The following MAML2 variants were observed in gnomAD, a reference collection of about 807,000 sequenced individuals.
MAML2 encodes mastermind-like protein 2.
In MAML2, 22 loss-of-function variants were observed where a neutral mutation model predicts 96.1. That is an observed-to-expected ratio of 0.23 (90% CI 0.16 to 0.33). The LOEUF (loss-of-function observed/expected upper bound fraction) is 0.33, where lower values mean the gene tolerates loss of function less well. MAML2 is among the 10% of genes least tolerant of loss of function. The pLI, the probability that MAML2 is intolerant of heterozygous loss-of-function variation, is 1.00. For missense variants in MAML2, 1,367 were observed against 1,392.4 expected (o/e 0.98, Z 0.29); for synonymous variants, 561 against 521.3 (o/e 1.08, Z -1.04).
chr11:96,094,259 G>GA (rs745773158), intron 1 of MAML2, among the ~76,000 whole-genome samples: 20 of 152,104 alleles, frequency 1.3e-4, no homozygotes, highest in Non-Finnish European at 2.6e-4. Flanking sequence ...TTACCAAAAC[G>GA]AAAGTGTTAA....
chr11:96,137,950 A>T (rs1299814195), intron 1 of MAML2, among the ~76,000 whole-genome samples: 1 of 152,158 alleles, frequency 6.6e-6, no homozygotes, highest in Admixed American at 6.5e-5. Flanking sequence ...ATATTCCTGT[A>T]TCCATCAAGA....
rs1469032905 is a variant in MAML2 at position 95,979,010 on chromosome 11, G to A, written c.3409C>T (p.Pro1137Ser). Residue 1137 changes from proline (P) to serine (S), a missense_variant, in exon 5 of 5, where the codon CCT (proline) becomes TCT (serine). Coordinates refer to ENST00000524717, the MANE Select transcript of MAML2 (RefSeq NM_032427.4). ...DFIDSLLKTE[P>S]GNDDWMKDIN... Reference sequence around the variant, plus strand: ...TCTTTCATCCAGTCATCATTACCAGGCTCTGTCTTCAATAAAGAATCAATG... The same window carrying A: ...TCTTTCATCCAGTCATCATTACCAGACTCTGTCTTCAATAAAGAATCAATG... 1 of 1,613,822 alleles carries A rather than the reference G, an allele frequency of 6.2e-7. No individual in the cohort carries two copies. The highest frequency in any genetic ancestry group is 1.1e-5 in the South Asian group (1 of 91,066).
At chr11:96,195,830 T>C (rs746900720) in intron 1 of MAML2, among the ~76,000 whole-genome samples, 11 of 152,324 alleles carry the variant, frequency 7.2e-5, no homozygotes, top group Middle Eastern at 3.4e-3. Context: ...CTACTATCCA[T>C]GTAGCAAAAA....
intron 1 of MAML2, among the ~76,000 whole-genome samples, chr11:96,311,927 A>G (rs1863547126): frequency 6.6e-6 from 1 of 152,154 alleles, no homozygotes; most frequent in Non-Finnish European, 1.5e-5. Context: ...AGCCACTGAT[A>G]AAGATCTATG....
intron 2 of MAML2, among the ~76,000 whole-genome samples, chr11:96,055,462 A>G (rs1859050188): frequency 6.6e-6 from 1 of 152,236 alleles, no homozygotes; most frequent in Admixed American, 6.5e-5. Context: ...CCAAGAAGTG[A>G]GGGTAAATGA....
At chr11:96,017,870 G>A (rs369534400) in intron 2 of MAML2, among the ~76,000 whole-genome samples, 14 of 152,298 alleles carry the variant, frequency 9.2e-5, no homozygotes, top group South Asian at 8.3e-4. Flanking sequence ...GTGGGGCTTC[G>A]TAGGCAACTG....
chr11:96,180,884 G>A (rs910998374), intron 1 of MAML2, among the ~76,000 whole-genome samples: 4 of 151,766 alleles, frequency 2.6e-5, no homozygotes, highest in African/African-American at 9.7e-5. Context: ...GATTTGTATA[G>A]GTAAAGGAAA....
intron 1 of MAML2, among the ~76,000 whole-genome samples, chr11:96,324,127 T>C (rs754563429): frequency 6.6e-6 from 1 of 152,230 alleles, no homozygotes; most frequent in Non-Finnish European, 1.5e-5. Flanking sequence ...AATACCTATG[T>C]AATTATCTGC....
At chr11:96,103,460 G>A (rs1859968245) in intron 1 of MAML2, among the ~76,000 whole-genome samples, 1 of 152,144 alleles carries the variant, frequency 6.6e-6, no homozygotes, top group Non-Finnish European at 1.5e-5. Context: ...TTAAATATCA[G>A]CAAATCCCAT....
intron 1 of MAML2, among the ~76,000 whole-genome samples, chr11:96,314,150 CT>C (rs1398392309): frequency 6.6e-6 from 1 of 152,216 alleles, no homozygotes; most frequent in Admixed American, 6.5e-5. Context: ...TCTCCTAAGG[CT>C]AGTTCTGCAG....
intron 1 of MAML2, among the ~76,000 whole-genome samples, chr11:96,128,577 A>G (rs1860492097): frequency 6.6e-6 from 1 of 152,188 alleles, no homozygotes; most frequent in Non-Finnish European, 1.5e-5. Flanking sequence ...TGCTGACACT[A>G]AGATATTACA....
chr11:96,298,812 G>A lies in MAML2; in HGVS notation c.513+42571C>T, dbSNP rs369839085. On this transcript the variant is annotated intron_variant, in intron 1 of 4. Coordinates refer to ENST00000524717, the MANE Select transcript of MAML2 (RefSeq NM_032427.4). ...AATCCTAGCACTTTGGGAGGCTGAG[G>A]AGGGTGGATCACGAGGTCAGGAGAT... Among the ~76,000 whole-genome samples the A allele has an allele frequency of 7.5e-5, 11 of 147,160 alleles. No individual in the cohort carries two copies. In the Admixed American group the frequency reaches 7.5e-4, roughly 10 times the overall value.
chr11:96,045,086 G>T (rs1243982978), intron 2 of MAML2, among the ~76,000 whole-genome samples: 3 of 152,158 alleles, frequency 2.0e-5, no homozygotes, highest in Non-Finnish European at 4.4e-5. Context: ...CAGGGTGGGT[G>T]GGTGGAGATG....
At chr11:96,208,536 A>C (rs751964479) in intron 1 of MAML2, among the ~76,000 whole-genome samples, 2 of 152,244 alleles carry the variant, frequency 1.3e-5, no homozygotes, top group African/African-American at 2.4e-5. Flanking sequence ...ACTTGAAGTA[A>C]TAAAGTTCAG....
At chr11:96,271,018 G>T (rs1254584614) in intron 1 of MAML2, among the ~76,000 whole-genome samples, 1 of 152,186 alleles carries the variant, frequency 6.6e-6, no homozygotes, top group South Asian at 2.1e-4. Flanking sequence ...GATGCTTCCT[G>T]CCCTCGAACA....
At chr11:96,035,855 AG>A (rs1858703015) in intron 2 of MAML2, among the ~76,000 whole-genome samples, 1 of 152,190 alleles carries the variant, frequency 6.6e-6, no homozygotes. Flanking sequence ...CCTCCATTCG[AG>A]TCCTAGCTCC....
At chr11:96,163,767 A>C (rs1291278179) in intron 1 of MAML2, among the ~76,000 whole-genome samples, 1 of 152,222 alleles carries the variant, frequency 6.6e-6, no homozygotes, top group Middle Eastern at 3.2e-3. Context: ...TGCTGAGGTA[A>C]TATCTCAAAA....
At chr11:96,335,993 A>G (rs528340974) in intron 1 of MAML2, among the ~76,000 whole-genome samples, 1 of 152,236 alleles carries the variant, frequency 6.6e-6, no homozygotes, top group South Asian at 2.1e-4. Context: ...TCTACTACCA[A>G]CTACTAGTGG....
intron 2 of MAML2, among the ~76,000 whole-genome samples, chr11:95,998,933 A>G (rs1202196061): frequency 6.6e-6 from 1 of 152,212 alleles, no homozygotes; most frequent in Admixed American, 6.5e-5. Context: ...GTTGCAATCT[A>G]TGTCTACAAA....
Sources: gnomAD v4.1 joint callset for allele counts (sites outside exome capture counted in the v4.1 genomes callset) on GRCh38, gnomAD v4.1.1 for gene constraint, MANE v1.5 for transcripts, NCBI Gene and HGNC (gene_info 2026-07-23, HGNC 2026-07-21) for gene names.